Variants in PRKG1 observed in about 807,000 individuals in gnomAD.
The protein encoded by PRKG1 is protein kinase cGMP-dependent 1.
In PRKG1, 35 loss-of-function variants were observed where a neutral mutation model predicts 88.1. The ratio of observed to expected loss-of-function variants is 0.40; its 90% CI spans 0.30 to 0.53. The LOEUF is 0.53. Among genes scored for constraint, PRKG1 ranks in the 20% least tolerant of loss-of-function variants. PRKG1 has a pLI of 0.59. For missense variants in PRKG1, 540 were observed against 839.8 expected (o/e 0.64, Z 4.41); for synonymous variants, 303 against 292.5 (o/e 1.04, Z -0.37).
chr10:51,970,224 T>C (rs1356975055), intron 5 of PRKG1, among the ~76,000 whole-genome samples: 6 of 151,994 alleles, frequency 3.9e-5, no homozygotes, highest in Non-Finnish European at 1.5e-5. Context: ...ATAATGCTTT[T>C]CAATTTTGAA....
At chr10:51,000,252 C>T (rs551565573) in intron 1 of PRKG1, among the ~76,000 whole-genome samples, 12 of 152,322 alleles carry the variant, frequency 7.9e-5, no homozygotes, top group African/African-American at 2.9e-4. Flanking sequence ...CTCACAGGCA[C>T]CTCCCGAGGG....
chr10:51,125,171 C>A (rs1490568554), intron 1 of PRKG1, among the ~76,000 whole-genome samples: 1 of 151,634 alleles, frequency 6.6e-6, no homozygotes, highest in Non-Finnish European at 1.5e-5. Context: ...GTATGAATAC[C>A]AAATTGGCTG....
chr10:52,189,495 C>T (rs1019243685), intron 9 of PRKG1, among the ~76,000 whole-genome samples: 3 of 152,234 alleles, frequency 2.0e-5, no homozygotes, highest in East Asian at 1.9e-4. Context: ...CTGTCAGATC[C>T]GCGGCATTAG....
intron 3 of PRKG1, among the ~76,000 whole-genome samples, chr10:51,637,407 C>G (rs1839683555): frequency 6.6e-6 from 1 of 152,172 alleles, no homozygotes; most frequent in African/African-American, 2.4e-5. Flanking sequence ...ACCCAGCAAT[C>G]CCATTACTGG....
intron 1 of PRKG1, among the ~76,000 whole-genome samples, chr10:51,091,455 A>C (rs988022732): frequency 2.6e-5 from 4 of 152,152 alleles, no homozygotes; most frequent in African/African-American, 9.7e-5. Context: ...TATACCTTTC[A>C]TATAAATAAG....
In PRKG1 at chr10:51,260,371, C is replaced by T. The variant is rs189590463; in HGVS notation, c.478+107041C>T. ...TATATACATTTTTTATTTTTTCTGACGATTTTTTAGCATGCATGTTTTACT... is the reference window on the plus strand; with the variant it reads ...TATATACATTTTTTATTTTTTCTGATGATTTTTTAGCATGCATGTTTTACT... On this transcript the variant is annotated intron_variant, in intron 2 of 17. Coordinates refer to ENST00000373980, the MANE Select transcript of PRKG1 (RefSeq NM_006258.4). 6.3e-3 allele frequency among the ~76,000 whole-genome samples: 951 copies of T among 151,306 alleles called. 7 individuals carry two copies. The highest frequency in any genetic ancestry group is 0.022 in the African/African-American group (884 of 40,930).
At chr10:52,198,751 G>T (rs11001157) in intron 9 of PRKG1, among the ~76,000 whole-genome samples, 32,103 of 151,784 alleles carry the variant, frequency 0.21, 3,805 homozygotes, top group Non-Finnish European at 0.28. Flanking sequence ...CTGGCATTCC[G>T]TGGTTTGTGG....
chr10:51,879,426 A>G (rs557229232), intron 4 of PRKG1, among the ~76,000 whole-genome samples: 45 of 152,318 alleles, frequency 3.0e-4, no homozygotes, highest in Admixed American at 2.5e-3. Context: ...ATACAGAACT[A>G]TGATTCATGT....
At chr10:52,270,026 A>C (rs1260614898) in intron 10 of PRKG1, among the ~76,000 whole-genome samples, 1 of 151,224 alleles carries the variant, frequency 6.6e-6, no homozygotes, top group Non-Finnish European at 1.5e-5. Flanking sequence ...TTGTTTGAGA[A>C]GAAAAACAAA....
At chr10:51,343,633 T>A (rs1484244559) in intron 2 of PRKG1, among the ~76,000 whole-genome samples, 1 of 152,184 alleles carries the variant, frequency 6.6e-6, no homozygotes, top group Admixed American at 6.5e-5. Flanking sequence ...ATAAAATGAA[T>A]AATTTTATAA....
At chr10:51,623,196 C>T (rs958878241) in intron 3 of PRKG1, among the ~76,000 whole-genome samples, 2 of 152,064 alleles carry the variant, frequency 1.3e-5, no homozygotes, top group Non-Finnish European at 2.9e-5. Flanking sequence ...GAAGCAATTT[C>T]AGTTTTCTAT....
chr10:51,501,471 A>G (rs1254311489), intron 3 of PRKG1, among the ~76,000 whole-genome samples: 3 of 152,258 alleles, frequency 2.0e-5, no homozygotes, highest in Non-Finnish European at 4.4e-5. Context: ...CCTGTAGAAC[A>G]TCTTCCACTG....
intron 2 of PRKG1, among the ~76,000 whole-genome samples, chr10:51,171,181 G>T (rs1276432222): frequency 1.3e-5 from 2 of 152,212 alleles, no homozygotes; most frequent in South Asian, 2.1e-4. Flanking sequence ...CAAGTTTTTG[G>T]CCTAAACAGT....
At chr10:52,150,274 C>G (rs941109426) in intron 8 of PRKG1, among the ~76,000 whole-genome samples, 2 of 151,812 alleles carry the variant, frequency 1.3e-5, no homozygotes, top group Non-Finnish European at 2.9e-5. Context: ...TAGATCACCT[C>G]AGATTTCCAT....
intron 2 of PRKG1, among the ~76,000 whole-genome samples, chr10:51,275,650 A>G (rs991789191): frequency 1.3e-5 from 2 of 152,230 alleles, no homozygotes; most frequent in Non-Finnish European, 2.9e-5. Flanking sequence ...CATATCAATA[A>G]GCTGCTGTGG....
intron 8 of PRKG1, among the ~76,000 whole-genome samples, chr10:52,141,431 A>T (rs1019933909): frequency 6.6e-6 from 1 of 152,146 alleles, no homozygotes; most frequent in South Asian, 2.1e-4. Flanking sequence ...CCTTATAGCA[A>T]TGATATACAG....
At chr10:51,375,945 A>G (rs1207166963) in intron 2 of PRKG1, among the ~76,000 whole-genome samples, 1 of 152,228 alleles carries the variant, frequency 6.6e-6, no homozygotes, top group Non-Finnish European at 1.5e-5. Flanking sequence ...ATAAATATTC[A>G]TGGTAGTTAT....
chr10:51,465,762 A>G (rs1839890018), intron 2 of PRKG1, among the ~76,000 whole-genome samples: 1 of 152,098 alleles, frequency 6.6e-6, no homozygotes, highest in Non-Finnish European at 1.5e-5. Context: ...ATTACCCTAT[A>G]TTGTTCTTGG....
At chr10:52,167,708 G>A (rs1021580626) in intron 9 of PRKG1, among the ~76,000 whole-genome samples, 2 of 151,508 alleles carry the variant, frequency 1.3e-5, no homozygotes, top group Non-Finnish European at 2.9e-5. Flanking sequence ...ACTTTGTGTC[G>A]TGACATTCAT....
Sources: allele counts gnomAD v4.1 joint callset (sites outside exome capture counted in the v4.1 genomes callset), GRCh38; gene constraint gnomAD v4.1.1; transcripts MANE v1.5; gene names NCBI Gene and HGNC (gene_info 2026-07-23, HGNC 2026-07-21).